Variants in LDLRAD4 observed in about 807,000 individuals in gnomAD.
LDLRAD4 encodes low density lipoprotein receptor class A domain containing 4.
In LDLRAD4, 5 loss-of-function variants were observed where a neutral mutation model predicts 17.0. The ratio of observed to expected loss-of-function variants is 0.29; its 90% CI spans 0.15 to 0.62. LDLRAD4 has a LOEUF of 0.62. Ranked by LOEUF, LDLRAD4 falls within the 20% of genes least tolerant of loss-of-function variation. The pLI is 0.84. For synonymous variants in LDLRAD4, 168 were observed against 171.8 expected (o/e 0.98, Z 0.17); for missense variants, 340 against 424.7 (o/e 0.80, Z 1.75).
chr18:13,260,261 G>A (rs1382153670), intron 1 of LDLRAD4, among the ~76,000 whole-genome samples: 1 of 152,210 alleles, frequency 6.6e-6, no homozygotes, highest in Non-Finnish European at 1.5e-5. Flanking sequence ...CTGTTCTGCT[G>A]TGAGCCTTCT....
chr18:13,343,239 C>A (rs1021930110), intron 1 of LDLRAD4, among the ~76,000 whole-genome samples: 4 of 110,850 alleles, frequency 3.6e-5, no homozygotes, highest in African/African-American at 6.9e-5. Context: ...CCCCTCCCCC[C>A]ACCCCACAAC....
chr18:13,224,633 C>T (rs1410161593), intron 1 of LDLRAD4, among the ~76,000 whole-genome samples: 1 of 151,774 alleles, frequency 6.6e-6, no homozygotes, highest in Non-Finnish European at 1.5e-5. Flanking sequence ...GCACGTGCCA[C>T]CACGCCCGGC....
At chr18:13,457,255 A>G (rs1018793227) in intron 3 of LDLRAD4, among the ~76,000 whole-genome samples, 1 of 152,330 alleles carries the variant, frequency 6.6e-6, no homozygotes, top group South Asian at 2.1e-4. Context: ...AGGGAAACAC[A>G]TGTTTACATT....
chr18:13,316,907 A>G (rs1369707988), intron 1 of LDLRAD4, among the ~76,000 whole-genome samples: 7 of 152,242 alleles, frequency 4.6e-5, no homozygotes, highest in African/African-American at 1.7e-4. Context: ...ACAGATAGCA[A>G]CATGGTCAGT....
intron 2 of LDLRAD4, among the ~76,000 whole-genome samples, chr18:13,390,434 G>A (rs984655296): frequency 1.3e-5 from 2 of 152,218 alleles, no homozygotes; most frequent in Admixed American, 6.5e-5. Context: ...GTGGCCTTGG[G>A]TACACACGGG....
At chr18:13,249,251 T>C (rs1598895370) in intron 1 of LDLRAD4, among the ~76,000 whole-genome samples, 1 of 152,232 alleles carries the variant, frequency 6.6e-6, no homozygotes, top group East Asian at 1.9e-4. Flanking sequence ...TTTCCTTTCC[T>C]TTGGGTAAAT....
At chr18:13,560,226 G>A (rs2094526372) in intron 3 of LDLRAD4, among the ~76,000 whole-genome samples, 1 of 152,116 alleles carries the variant, frequency 6.6e-6, no homozygotes, top group Admixed American at 6.5e-5. Flanking sequence ...CTGTTGGCCT[G>A]AGCCAACCCC....
chr18:13,640,147 G>A (rs1216011720), intron 4 of LDLRAD4, among the ~76,000 whole-genome samples: 2 of 152,154 alleles, frequency 1.3e-5, no homozygotes, highest in East Asian at 3.9e-4. Context: ...AACAAAATTA[G>A]CTGGGTGTGG....
At chr18:13,584,818 C>T (rs1265393918) in intron 3 of LDLRAD4, among the ~76,000 whole-genome samples, 2 of 152,176 alleles carry the variant, frequency 1.3e-5, no homozygotes, top group Non-Finnish European at 2.9e-5. Flanking sequence ...TTGTCCAAAT[C>T]CTTCAGGGCT....
intron 3 of LDLRAD4, chr18:13,564,943 G>A (rs2094582052): frequency 6.6e-6 from 1 of 152,308 alleles, no homozygotes; most frequent in African/African-American, 2.4e-5. Flanking sequence ...TAAAAGTGAG[G>A]CTCAGCCAGC....
chr18:13,435,569 C>G (rs879722254), intron 2 of LDLRAD4, among the ~76,000 whole-genome samples: 1 of 152,178 alleles, frequency 6.6e-6, no homozygotes, highest in Non-Finnish European at 1.5e-5. Flanking sequence ...GCCTTAGCTT[C>G]CTGAGTAGCT....
intron 1 of LDLRAD4, among the ~76,000 whole-genome samples, chr18:13,324,450 CT>C (rs1343803303): frequency 6.6e-6 from 1 of 152,132 alleles, no homozygotes; most frequent in Non-Finnish European, 1.5e-5. Flanking sequence ...CCTCAAGTGT[CT>C]ATTTTTTGAC....
intron 4 of LDLRAD4, among the ~76,000 whole-genome samples, chr18:13,639,231 C>T (rs892638438): frequency 2.0e-5 from 3 of 152,174 alleles, no homozygotes; most frequent in East Asian, 3.8e-4. Context: ...GCCATCTGAG[C>T]GGCAGCCAGC....
At chr18:13,226,753 T>TAAAATAAAAG (rs1265793805) in intron 1 of LDLRAD4, among the ~76,000 whole-genome samples, 3 of 151,786 alleles carry the variant, frequency 2.0e-5, no homozygotes, top group Non-Finnish European at 2.9e-5. Context: ...TAAAATAAAA[T>TAAAATAAAAG]AAAATAGAAT....
chr18:13,626,351 T>C (rs1015475065), intron 4 of LDLRAD4, among the ~76,000 whole-genome samples: 4 of 152,166 alleles, frequency 2.6e-5, no homozygotes, highest in South Asian at 4.2e-4. Context: ...AACAAGTTGC[T>C]GGAACATTTC....
intron 1 of LDLRAD4, among the ~76,000 whole-genome samples, chr18:13,339,143 C>A (rs2143990079): frequency 6.6e-6 from 1 of 151,778 alleles, no homozygotes; most frequent in East Asian, 1.9e-4. Flanking sequence ...AATGGCTTTT[C>A]AAAAGTTAAT....
intron 1 of LDLRAD4, among the ~76,000 whole-genome samples, chr18:13,247,619 G>A (rs932493813): frequency 2.6e-4 from 40 of 152,108 alleles, no homozygotes; most frequent in Admixed American, 1.3e-4. Flanking sequence ...TCCGCTTGTC[G>A]TGTGAATGAA....
rs543518522 is a variant in LDLRAD4, at chr18:13,638,363, TTACCCTTACAGATG to T, written c.337-4993_337-4980del. On this transcript the variant is annotated intron_variant, in intron 4 of 5. Transcript: ENST00000359446. The stretch of plus-strand genomic sequence containing the variant: ...AATGGCTACCTACCTCAGAGACTTC[TTACCCTTACAGATG>T]TATACCTATGCTGATAGTGGTAGCC... 4.4e-3 allele frequency among the ~76,000 whole-genome samples: 678 copies of T among 152,380 alleles called. 6 individuals carry two copies. Among genetic ancestry groups the T allele is most frequent in the Middle Eastern group, 0.01 (3 of 294 alleles).
intron 3 of LDLRAD4, among the ~76,000 whole-genome samples, chr18:13,591,214 A>C (rs2148542318): frequency 6.6e-6 from 1 of 152,364 alleles, no homozygotes; most frequent in African/African-American, 2.4e-5. Flanking sequence ...GGATTCCTTA[A>C]GAATGTCAAA....
Sources: allele counts gnomAD v4.1 joint callset (sites outside exome capture counted in the v4.1 genomes callset), GRCh38; gene constraint gnomAD v4.1.1; transcripts MANE v1.5; gene names NCBI Gene and HGNC (gene_info 2026-07-23, HGNC 2026-07-21).